CDH10: variants seen among roughly 807,000 people sequenced by gnomAD.
CDH10 encodes cadherin-10.
A neutral mutation model predicts 73.1 loss-of-function variants in CDH10; 30 were observed. The ratio of observed to expected loss-of-function variants is 0.41; its 90% confidence interval spans 0.31 to 0.56. The LOEUF (loss-of-function observed/expected upper bound fraction) is 0.56. CDH10 is among the 20% of genes least tolerant of loss of function. The pLI is 0.27. For missense variants in CDH10, 815 were observed against 973.7 expected (o/e 0.84, Z 2.17); for synonymous variants, 345 against 348.2 (o/e 0.99, Z 0.10).
At chr5:24,619,172 C>T (rs1747224133) in intron 1 of CDH10, among the ~76,000 whole-genome samples, 3 of 151,878 alleles carry the variant, frequency 2.0e-5, no homozygotes, top group Admixed American at 2.0e-4. Flanking sequence ...TACCTCTAGT[C>T]TCATCTATAT....
At chr5:24,586,643 C>A (rs1210296706) in intron 2 of CDH10, among the ~76,000 whole-genome samples, 2 of 151,052 alleles carry the variant, frequency 1.3e-5, no homozygotes, top group African/African-American at 4.9e-5. Context: ...CAAGATTTCG[C>A]CATGTTGGTC....
rs149092869 is a variant in CDH10, at chr5:24,598,819, T to C, written c.-123-5206A>G. On this transcript the variant is annotated intron_variant, in intron 1 of 11. Transcript: ENST00000264463. ...TGAAATTAGTTTTATTCTCTAGGAA[T>C]GTGACCTGCACACAAACTGGTAATA... is the stretch of plus-strand genomic sequence containing the variant. 1.9e-4 allele frequency among the ~76,000 whole-genome samples: 29 copies of C among 152,268 alleles called. No individual in the cohort carries two copies. In the East Asian group the frequency reaches 4.4e-3, roughly 23 times the overall value.
chr5:24,517,693 C>T (rs1302994759), intron 5 of CDH10, among the ~76,000 whole-genome samples: 1 of 151,976 alleles, frequency 6.6e-6, no homozygotes, highest in African/African-American at 2.4e-5. Context: ...GTAAAAAAAA[C>T]TCAAGTCCAA....
intron 2 of CDH10, among the ~76,000 whole-genome samples, chr5:24,572,244 A>G (rs1482482035): frequency 6.6e-6 from 1 of 152,128 alleles, no homozygotes; most frequent in Admixed American, 6.5e-5. Context: ...GGAATGCGGA[A>G]TGACACCTTT....
chr5:24,550,071 C>T (rs1439636480), intron 2 of CDH10, among the ~76,000 whole-genome samples: 1 of 151,920 alleles, frequency 6.6e-6, no homozygotes, highest in African/African-American at 2.4e-5. Flanking sequence ...ATGAAGAATA[C>T]CAGAACAGCA....
intron 11 of CDH10, 135 bp from the exon 12 acceptor site, chr5:24,488,288 C>G: frequency 1.3e-6 from 1 of 794,328 alleles, no homozygotes; most frequent in Non-Finnish European, 1.9e-6. Flanking sequence ...TTTGTGCTTC[C>G]CACAGTTTGG....
intron 6 of CDH10, 115 bp from the exon 7 acceptor site, chr5:24,509,934 T>G: frequency 1.5e-6 from 1 of 677,094 alleles, no homozygotes; most frequent in South Asian, 2.4e-5. Flanking sequence ...AGTTCATTAA[T>G]TATAAATAAA....
chr5:24,553,674 T>C (rs1481313218), intron 2 of CDH10, among the ~76,000 whole-genome samples: 2 of 152,184 alleles, frequency 1.3e-5, no homozygotes, highest in Non-Finnish European at 2.9e-5. Context: ...GCTACAATGA[T>C]ACCTTCCACC....
intron 1 of CDH10, among the ~76,000 whole-genome samples, chr5:24,597,269 T>C (rs1262123034): frequency 6.6e-6 from 1 of 152,094 alleles, no homozygotes; most frequent in Non-Finnish European, 1.5e-5. Flanking sequence ...TCAGTGGGTC[T>C]GGTGTGGGGC....
chr5:24,548,480 C>CTT (rs70965609), intron 2 of CDH10, among the ~76,000 whole-genome samples: 19,252 of 108,522 alleles, frequency 0.18, 1,603 homozygotes, highest in Admixed American at 0.22. Context: ...CAGTCCTCCT[C>CTT]TTTTTTTTTT....
intron 2 of CDH10, among the ~76,000 whole-genome samples, chr5:24,538,173 C>T (rs1744025891): frequency 2.6e-5 from 4 of 152,016 alleles, no homozygotes; most frequent in African/African-American, 7.2e-5. Flanking sequence ...AAAGTTCTTA[C>T]TTTAAAAACA....
intron 1 of CDH10, among the ~76,000 whole-genome samples, chr5:24,608,420 G>C (rs1236844737): frequency 6.6e-6 from 1 of 152,040 alleles, no homozygotes. Flanking sequence ...AGCCTCCCGA[G>C]TAACTGGGAC....
intron 2 of CDH10, among the ~76,000 whole-genome samples, chr5:24,573,590 A>G (rs531314544): frequency 1.3e-5 from 2 of 150,554 alleles, no homozygotes; most frequent in South Asian, 4.2e-4. Flanking sequence ...AGTCCCAGCT[A>G]CTCCGGAGGC....
At position 24,545,249 on chromosome 5, in the gene CDH10, C is replaced by A. The variant is rs559102594; in HGVS notation, c.232-7575G>T. On this transcript the variant is annotated intron_variant, in intron 2 of 11. Coordinates refer to ENST00000264463, the MANE Select transcript of CDH10 (RefSeq NM_006727.5). ...AACGTTTTTACACCTTATTTTTTCC[C>A]CACAACTTGGAGAAGTCTTCTTAAG... 2.6e-5 allele frequency among the ~76,000 whole-genome samples: 4 copies of A among 152,158 alleles called. No individual in the cohort carries two copies. The South Asian group carries it at 8.3e-4, about 31-fold the overall frequency.
At chr5:24,516,150 G>A (rs12517654) in intron 5 of CDH10, among the ~76,000 whole-genome samples, 72,686 of 151,892 alleles carry the variant, frequency 0.48, 17,501 homozygotes, top group East Asian at 0.58. Context: ...GGCCTGTCTG[G>A]TATGTTCTTG....
chr5:24,603,162 C>A (rs1004167007), intron 1 of CDH10, among the ~76,000 whole-genome samples: 2 of 152,074 alleles, frequency 1.3e-5, no homozygotes, highest in Admixed American at 6.6e-5. Flanking sequence ...TAAGGAAGTA[C>A]AAGTCTCTGT....
chr5:24,640,724 A>T (rs1298008966), intron 1 of CDH10, among the ~76,000 whole-genome samples: 1 of 151,864 alleles, frequency 6.6e-6, no homozygotes, highest in Non-Finnish European at 1.5e-5. Flanking sequence ...ATGATGTAAA[A>T]TGTGATTTTA....
At chr5:24,535,384 T>C (rs1743914643) in intron 4 of CDH10, 105 bp from the exon 5 acceptor site, 2 of 977,632 alleles carry the variant, frequency 2.0e-6, no homozygotes, top group Non-Finnish European at 3.1e-6. Context: ...TTTTGAAAGA[T>C]ACGTTTTGAT....
intron 1 of CDH10, among the ~76,000 whole-genome samples, chr5:24,630,430 G>A (rs947316376): frequency 3.3e-5 from 5 of 151,812 alleles, no homozygotes; most frequent in African/African-American, 9.7e-5. Context: ...GCTTCTGCCT[G>A]TAATCCCAGC....
Sources: gnomAD v4.1 joint callset for allele counts (sites outside exome capture counted in the v4.1 genomes callset) on GRCh38, gnomAD v4.1.1 for gene constraint, MANE v1.5 for transcripts, NCBI Gene and HGNC (gene_info 2026-07-23, HGNC 2026-07-21) for gene names.